Variants in DIPK2B observed in about 807,000 individuals in gnomAD.
The protein encoded by DIPK2B is UPF0672 protein CXorf36.
A neutral mutation model predicts 22.2 loss-of-function variants in DIPK2B; 15 were observed. The ratio of observed to expected loss-of-function variants is 0.68; its 90% confidence interval spans 0.45 to 1.04. DIPK2B has a LOEUF of 1.04. Ranked by LOEUF, DIPK2B falls within the 50% of genes least tolerant of loss-of-function variation. The probability of loss-of-function intolerance (pLI) is 0.00; values close to 1 mark genes in which losing one functional copy is unlikely to be tolerated. For synonymous variants in DIPK2B, 163 were observed against 153.2 expected (o/e 1.06, Z -0.47); for missense variants, 345 against 348.3 (o/e 0.99, Z 0.08).
At chrX:45,161,102 T>C (rs1457204130) in intron 2 of DIPK2B, among the ~76,000 whole-genome samples, 2 of 112,296 alleles carry the variant, frequency 1.8e-5, no homozygotes, top group Admixed American at 9.4e-5. Context: ...ATGGATGTGA[T>C]GGGTGGTGCT....
At chrX:45,166,144 G>A (rs996771225) in intron 2 of DIPK2B, among the ~76,000 whole-genome samples, 1 of 111,696 alleles carries the variant, frequency 9.0e-6, no homozygotes, top group Non-Finnish European at 1.9e-5. Context: ...GAGAAAGAGA[G>A]GATGGGGCAA....
intron 2 of DIPK2B, among the ~76,000 whole-genome samples, chrX:45,189,263 C>T (rs764601113): frequency 2.7e-5 from 3 of 111,797 alleles, no homozygotes; most frequent in South Asian, 7.4e-4. Flanking sequence ...ATTTTTTGGC[C>T]ACCTTTGGTG....
At chrX:45,155,434 A>C (rs1268615235) in intron 3 of DIPK2B, among the ~76,000 whole-genome samples, 1 of 99,508 alleles carries the variant, frequency 1.0e-5, no homozygotes, top group Non-Finnish European at 2.0e-5. Flanking sequence ...AAAAAAAAAT[A>C]TATATATATA....
At chrX:45,164,237 C>G in intron 2 of DIPK2B, 1 of 1,199,132 alleles carries the variant, frequency 8.3e-7, no homozygotes, top group East Asian at 3.0e-5. Flanking sequence ...TCTCTCTGGC[C>G]CTGGTGACAG....
At chrX:45,188,840 T>C (rs1416376411) in intron 2 of DIPK2B, among the ~76,000 whole-genome samples, 1 of 112,182 alleles carries the variant, frequency 8.9e-6, no homozygotes, top group Non-Finnish European at 1.9e-5. Context: ...ATCATATGTG[T>C]CTTTTTGTGT....
chrX:45,157,736 G>A lies in DIPK2B; in HGVS notation c.651C>T (p.Asn217=). 8.3e-7 allele frequency: 1 copy of A among 1,198,687 alleles called. No individual in the cohort carries two copies. The highest frequency in any genetic ancestry group is 1.1e-6 in the Non-Finnish European group (1 of 889,061). Reference sequence around the variant, plus strand: ...ATACCTGTAGGAGGATGGGGTGCGAGTTGACAGCCAGCGTGTAGAGCAGGC... The same window carrying A: ...ATACCTGTAGGAGGATGGGGTGCGAATTGACAGCCAGCGTGTAGAGCAGGC... ...KLRLLYTLAV[N]SHPILLQIFP... is the part of the protein sequence containing the mutation. Residue 217 remains asparagine (N), a synonymous_variant, in exon 3 of 5, where the codon AAC becomes AAT. Coordinates refer to ENST00000398000, the MANE Select transcript of DIPK2B (RefSeq NM_176819.4).
At position 45,200,716 on chromosome X, in the gene DIPK2B, A is replaced by G. The variant is rs944911158; in HGVS notation, c.111T>C (p.Leu37=). 2 of 1,212,261 alleles carry G rather than the reference A, an allele frequency of 1.6e-6. No individual in the cohort carries two copies. Among genetic ancestry groups the G allele is most frequent in the Non-Finnish European group, 2.2e-6 (2 of 895,568 alleles). The change falls in exon 1 of 5, where the codon CTT becomes CTC. Residue 37 remains leucine, a synonymous_variant. Coordinates refer to ENST00000398000, the MANE Select transcript of DIPK2B (RefSeq NM_176819.4). ...TTCTGACTTGGGGCACCAGAGAAGA[A>G]AGGGAAGAAGCTGGCAAGGAGAAAG... The part of the protein sequence containing the change: ...SCSFSLPASS[L]SSLVPQVRTS...
intron 2 of DIPK2B, among the ~76,000 whole-genome samples, chrX:45,188,370 A>G (rs964818821): frequency 8.9e-6 from 1 of 111,781 alleles, no homozygotes; most frequent in Admixed American, 9.5e-5. Flanking sequence ...AAGAGCTGAG[A>G]TAGTCATGCA....
chrX:45,192,412 T>C (rs1172830371), intron 1 of DIPK2B, among the ~76,000 whole-genome samples: 1 of 110,729 alleles, frequency 9.0e-6, no homozygotes, highest in Non-Finnish European at 1.9e-5. Flanking sequence ...TTGGCCAAGG[T>C]CAGACAATAT....
intron 4 of DIPK2B, 106 bp from the exon 5 acceptor site, chrX:45,152,098 C>T (rs1265712593): frequency 2.7e-6 from 2 of 728,387 alleles, no homozygotes; most frequent in Non-Finnish European, 4.0e-6. Flanking sequence ...TGGCTCATGC[C>T]TGTAATCCCA....
chrX:45,193,561 G>A (rs1351616303), intron 1 of DIPK2B, among the ~76,000 whole-genome samples: 1 of 111,799 alleles, frequency 8.9e-6, no homozygotes, highest in African/African-American at 3.3e-5. Context: ...CAGGAAACTG[G>A]ACAGCCCAGG....
chrX:45,176,044 T>G (rs899639215), intron 2 of DIPK2B, among the ~76,000 whole-genome samples: 2 of 110,047 alleles, frequency 1.8e-5, no homozygotes, highest in African/African-American at 6.6e-5. Flanking sequence ...AGGAGGTCTA[T>G]GCAGAAGGAA....
chrX:45,157,764 A>T lies in DIPK2B; in HGVS notation c.623T>A (p.Leu208Gln). Residue 208 changes from leucine to glutamine, a missense_variant, in exon 3 of 5, where the codon CTG becomes CAG. Physicochemically the swap from Leu to Gln is moderately radical, Grantham distance 113 (BLOSUM62 -2). Transcript: ENST00000398000. ...FMDHFTDRDK[L>Q]RLLYTLAVNS... is the part of the protein sequence containing the mutation. Reference sequence around the variant, plus strand: ...GACAGCCAGCGTGTAGAGCAGGCGCAGCTTGTCACGGTCGGTGAAGTGGTC... The same window carrying T: ...GACAGCCAGCGTGTAGAGCAGGCGCTGCTTGTCACGGTCGGTGAAGTGGTC... 8.4e-7 allele frequency: 1 copy of T among 1,197,360 alleles called. No homozygotes were observed. The highest frequency in any genetic ancestry group is 1.1e-6 in the Non-Finnish European group (1 of 888,957).
At chrX:45,153,618 C>G (rs1216959489) in intron 4 of DIPK2B, among the ~76,000 whole-genome samples, 5 of 109,038 alleles carry the variant, frequency 4.6e-5, no homozygotes, top group African/African-American at 6.7e-5. Context: ...GACCCAATTG[C>G]ACAACAGCAC....
Position 45,151,387 on chromosome X carries a change from A to G in DIPK2B, c.*265T>C. 1 of 384,772 alleles carries G rather than the reference A, an allele frequency of 2.6e-6. No individual in the cohort carries two copies. 31.7% of individuals were successfully genotyped at this position (384,772 alleles called of 1,213,427 possible). A position where few individuals can be genotyped will look rare whatever the true frequency, so the allele number is the denominator to read the frequency against. ...TTTCACCCTCAGGAGAGTCTGGTGGAGAACAGAGGAAACTGAGGCTCAAAG... is the reference window on the plus strand; with the variant it reads ...TTTCACCCTCAGGAGAGTCTGGTGGGGAACAGAGGAAACTGAGGCTCAAAG... On this transcript the variant is annotated 3_prime_UTR_variant, in exon 5 of 5. Coordinates refer to ENST00000398000, the MANE Select transcript of DIPK2B (RefSeq NM_176819.4).
At chrX:45,197,444 G>A (rs1404152897) in intron 1 of DIPK2B, among the ~76,000 whole-genome samples, 2 of 111,468 alleles carry the variant, frequency 1.8e-5, no homozygotes, top group African/African-American at 6.5e-5. Context: ...CACATTGTTG[G>A]CCAGGATGGT....
intron 2 of DIPK2B, among the ~76,000 whole-genome samples, chrX:45,171,217 C>T (rs767693955): frequency 9.0e-5 from 10 of 110,696 alleles, no homozygotes; most frequent in African/African-American, 3.3e-4. Flanking sequence ...TGTGCCCTCC[C>T]TTTCCCTCTT....
At position 45,151,839 on chromosome X, in the gene DIPK2B, C is replaced by T. The variant is rs2046963546; in HGVS notation, c.1115G>A (p.Gly372Glu). The change falls in exon 5 of 5, where the codon GGG (glycine) becomes GAG (glutamate). Residue 372 changes from glycine (G) to glutamate (E), a missense_variant. Physicochemically the swap from Gly to Glu is moderately conservative, Grantham distance 98. Transcript: ENST00000398000. ...GTCTTGCACTGGGGAGGGGAACCTC[C>T]CCTGGAGAAGTCGAGGCAGCAACTT... The part of the protein sequence containing the change: ...CQKLLPRLLQ[G>E]RFPSPVQDDI... The T allele has an allele frequency of 2.5e-6, 3 of 1,211,777 alleles. No homozygotes were observed. Among genetic ancestry groups the T allele is most frequent in the Non-Finnish European group, 2.2e-6 (2 of 895,393 alleles).
intron 1 of DIPK2B, among the ~76,000 whole-genome samples, chrX:45,192,906 G>A (rs771593777): frequency 8.9e-6 from 1 of 112,476 alleles, no homozygotes; most frequent in African/African-American, 3.2e-5. Flanking sequence ...AGCCTCCCCA[G>A]TAGCTGGGAT....
Sources: gnomAD v4.1 joint callset for allele counts (sites outside exome capture counted in the v4.1 genomes callset) on GRCh38, gnomAD v4.1.1 for gene constraint, MANE v1.5 for transcripts, NCBI Gene and HGNC (gene_info 2026-07-23, HGNC 2026-07-21) for gene names.